ABCA6: variants seen among roughly 807,000 people sequenced by gnomAD.
ABCA6 encodes the protein ATP binding cassette subfamily A member 6.
Under a neutral mutation model 191.2 loss-of-function variants are expected in ABCA6, and 164 were observed. That is an observed-to-expected ratio of 0.86 (90% CI 0.76 to 0.98). ABCA6 has a LOEUF of 0.98. ABCA6 is among the 50% of genes least tolerant of loss of function. The pLI, the probability that ABCA6 is intolerant of heterozygous loss-of-function variation, is 0.00. For synonymous variants in ABCA6, 636 were observed against 647.7 expected, an observed-to-expected ratio of 0.98 and a Z score of 0.27; for missense variants, 1,958 against 1,894.1, an observed-to-expected ratio of 1.03 and a Z score of -0.63.
intron 8 of ABCA6, among the ~76,000 whole-genome samples, chr17:69,127,540 C>T (rs896753960): frequency 2.0e-5 from 3 of 151,952 alleles, no homozygotes; most frequent in Non-Finnish European, 4.4e-5. Context: ...CATCAATAAT[C>T]GGGGAAATGC....
In ABCA6 at chr17:69,106,229, C is replaced by T; in HGVS notation, c.2390-18G>A. 1 of 1,594,944 alleles carries T rather than the reference C, an allele frequency of 6.3e-7. No homozygotes were observed. The highest frequency in any genetic ancestry group is 8.5e-7 in the Non-Finnish European group (1 of 1,171,072). On this transcript the variant is annotated intron_variant, in intron 18 of 38. Coordinates refer to ENST00000284425, the MANE Select transcript of ABCA6 (RefSeq NM_080284.3). Reference sequence around the variant, plus strand: ...TTCGAAATCTATAAACACACACATACACAAACACACATATTATAATATTAA... The same window carrying T: ...TTCGAAATCTATAAACACACACATATACAAACACACATATTATAATATTAA...
chr17:69,082,769 T>G (rs1454932168), intron 36 of ABCA6, 104 bp downstream of exon 36: 6 of 1,511,808 alleles, frequency 4.0e-6, no homozygotes, highest in Non-Finnish European at 5.4e-6. Flanking sequence ...GGTCCCTAAC[T>G]TTTATTATGA....
At chr17:69,113,426 T>C (rs1470931558) in intron 14 of ABCA6, 66 bp from the exon 15 acceptor site, 1 of 1,534,440 alleles carries the variant, frequency 6.5e-7, no homozygotes, top group Non-Finnish European at 8.8e-7. Context: ...GAAGATAGCA[T>C]GAAAAACAAT....
chr17:69,137,543 T>G (rs923624778), intron 2 of ABCA6, 43 bp from the exon 3 acceptor site: 2 of 1,567,908 alleles, frequency 1.3e-6, no homozygotes, highest in African/African-American at 1.4e-5. Flanking sequence ...TAAGGTTGCA[T>G]TCACTTAAAG....
chr17:69,091,129 G>A lies in ABCA6; in HGVS notation c.3528+14C>T. On this transcript the variant is annotated intron_variant, in intron 26 of 38. Transcript: ENST00000284425. ...ATATTCAAAATTAATGACACAGTTG[G>A]TAACATTTCTTACCACTTCCAAAAA... 6.2e-7 allele frequency: 1 copy of A among 1,600,530 alleles called. No homozygotes were observed. The highest frequency in any genetic ancestry group is 8.5e-7 in the Non-Finnish European group (1 of 1,175,486).
At chr17:69,110,591 T>TC in intron 17 of ABCA6, 1 of 477,132 alleles carries the variant, frequency 2.1e-6, no homozygotes. Context: ...TGCCTTCCCT[T>TC]CCCTCTCTCC....
chr17:69,098,187 T>C (rs2073092740), intron 22 of ABCA6, 160 bp from the exon 23 acceptor site: 2 of 472,432 alleles, frequency 4.2e-6, no homozygotes. Flanking sequence ...GACTCTGATC[T>C]TCAACTCAAA....
rs1428702065 is a variant in ABCA6 at position 69,081,150 on chromosome 17, A to C, written c.4617-5T>G. The stretch of plus-strand genomic sequence containing the variant: ...TAGGTTAACAAAGAGGAATACCTGA[A>C]AACAGGAAGATGTCGTTTTCAGCTC... On this transcript the variant is annotated splice_region_variant and splice_polypyrimidine_tract_variant and intron_variant, in intron 36 of 38. Transcript: ENST00000284425. 1.9e-6 allele frequency: 3 copies of C among 1,565,800 alleles called. No individual in the cohort carries two copies.
rs920437473 is a variant in ABCA6 at position 69,105,386 on chromosome 17, T to TC, written c.2740+75dup. On this transcript the variant is annotated intron_variant, in intron 20 of 38. Coordinates refer to ENST00000284425, the MANE Select transcript of ABCA6 (RefSeq NM_080284.3). ...CCATTTTCTTCTCTTATGATTCACTTCCCCCCCCCACCTCCTGTGCTATTC... is the reference window on the plus strand; with the variant it reads ...CCATTTTCTTCTCTTATGATTCACTTCCCCCCCCCCACCTCCTGTGCTATTC... 2.8e-3 allele frequency: 3,705 copies of TC among 1,319,892 alleles called. 7 individuals carry two copies. Among genetic ancestry groups the TC allele is most frequent in the African/African-American group, 0.01 (671 of 65,948 alleles). 81.8% of individuals were successfully genotyped at this position (1,319,892 alleles called of 1,614,324 possible).
chr17:69,097,322 C>T (rs796220643), intron 23 of ABCA6, among the ~76,000 whole-genome samples: 15 of 149,126 alleles, frequency 1.0e-4, no homozygotes, highest in East Asian at 2.0e-4. Flanking sequence ...ACCCGGGAGG[C>T]GGAGTTTGCA....
intron 20 of ABCA6, among the ~76,000 whole-genome samples, chr17:69,103,554 G>A (rs16973575): frequency 0.045 from 6,876 of 152,202 alleles, 510 homozygotes; most frequent in African/African-American, 0.16. Context: ...AAGCAGATGA[G>A]AACGTCTGAC....
chr17:69,113,312 C>T lies in ABCA6; in HGVS notation c.1951G>A (p.Asp651Asn). The change falls in exon 15 of 39, where the codon GAT (aspartate) becomes AAT (asparagine). Residue 651 changes from aspartate (D) to asparagine (N), a missense_variant. By Grantham distance (23) the Asp-to-Asn change is conservative. Transcript: ENST00000284425. ...PTTGLDPFSR[D>N]QVWSLLRERR... ...TCTCTCAGGAGGCTCCACACTTGAT[C>T]TCTGGAAAAGGGATCCAATCCAGTA... 6.3e-7 allele frequency: 1 copy of T among 1,596,366 alleles called. No homozygotes were observed. The highest frequency in any genetic ancestry group is 8.5e-7 in the Non-Finnish European group (1 of 1,175,764).
intron 26 of ABCA6, among the ~76,000 whole-genome samples, chr17:69,090,149 G>A (rs989683428): frequency 1.3e-5 from 2 of 152,156 alleles, no homozygotes; most frequent in African/African-American, 4.8e-5. Flanking sequence ...GTTTCTAATC[G>A]AGAACTTCAG....
At chr17:69,095,157 T>A (rs1274479124) in intron 25 of ABCA6, 9 of 206,930 alleles carry the variant, frequency 4.3e-5, no homozygotes, top group Admixed American at 3.9e-4. Flanking sequence ...AGACATCTGA[T>A]CTAGCACCTG....
intron 9 of ABCA6, among the ~76,000 whole-genome samples, chr17:69,123,971 T>G (rs1429126243): frequency 6.6e-6 from 1 of 152,092 alleles, no homozygotes; most frequent in African/African-American, 2.4e-5. Context: ...ACCAAATATT[T>G]GGGAAGACAC....
At chr17:69,089,648 TCTCA>T (rs2144621485) in intron 26 of ABCA6, 106 bp from the exon 27 acceptor site, 1 of 958,832 alleles carries the variant, frequency 1.0e-6, no homozygotes, top group South Asian at 1.8e-5. Flanking sequence ...TCCTCATAGA[TCTCA>T]ATTTCTTTGT....
chr17:69,093,326 G>A (rs947102809), intron 25 of ABCA6, among the ~76,000 whole-genome samples: 1 of 152,064 alleles, frequency 6.6e-6, no homozygotes, highest in Non-Finnish European at 1.5e-5. Context: ...CCCCACCTCC[G>A]CCGAAGTTAA....
At chr17:69,133,907 G>T in intron 5 of ABCA6, 40 bp from the exon 6 acceptor site, 1 of 1,344,460 alleles carries the variant, frequency 7.4e-7, no homozygotes. Context: ...TTATTTAAAA[G>T]ATAGAAACTG....
Position 69,105,992 on chromosome 17 carries a change from C to A in ABCA6, c.2573+36G>T, listed in dbSNP as rs1309473462. Reference sequence around the variant, plus strand: ...TCTGGTTTGAACCTCTTTTGAAATTCATGATCTAACAAAACCACAGTACTC... The same window carrying A: ...TCTGGTTTGAACCTCTTTTGAAATTAATGATCTAACAAAACCACAGTACTC... On this transcript the variant is annotated intron_variant, in intron 19 of 38. Coordinates refer to ENST00000284425, the MANE Select transcript of ABCA6 (RefSeq NM_080284.3). The A allele has an allele frequency of 4.6e-6, 7 of 1,534,430 alleles. No homozygotes were observed. The Admixed American group carries it at 1.5e-4, about 33-fold the overall frequency.
Sources: allele counts gnomAD v4.1 joint callset (sites outside exome capture counted in the v4.1 genomes callset), GRCh38; gene constraint gnomAD v4.1.1; transcripts MANE v1.5; gene names NCBI Gene and HGNC (gene_info 2026-07-23, HGNC 2026-07-21).